PKD2L2: variants seen among roughly 807,000 people sequenced by gnomAD.
PKD2L2 encodes the protein polycystin 2 like 2, transient receptor potential cation channel, also known as polycystin-2-like protein 2.
PKD2L2 carries 67 observed loss-of-function variants against 83.9 expected under a neutral mutation model. The ratio of observed to expected loss-of-function variants is 0.80; its 90% CI spans 0.66 to 0.98. PKD2L2 has a LOEUF of 0.98. Among genes scored for constraint, PKD2L2 ranks in the 50% least tolerant of loss-of-function variants. The probability of loss-of-function intolerance (pLI) is 0.00; values close to 1 mark genes in which losing one functional copy is unlikely to be tolerated. For missense variants in PKD2L2, 632 were observed against 717.2 expected (o/e 0.88, Z 1.36); for synonymous variants, 223 against 237.8 (o/e 0.94, Z 0.57).
Position 137,941,031 on chromosome 5 carries a change from G to A in PKD2L2, c.*18-1353G>A, listed in dbSNP as rs146162274. ...CGCCATTCTCCTGCCTCAGCCTCTA[G>A]AGTAGCTGGAACTACAGGTGCCCGC... On this transcript the variant is annotated intron_variant, in intron 14 of 14. Coordinates refer to ENST00000508883, the MANE Select transcript of PKD2L2 (RefSeq NM_001300921.2). Among the ~76,000 whole-genome samples the A allele has an allele frequency of 7.9e-5, 12 of 152,156 alleles. No homozygotes were observed. The East Asian group carries it at 1.7e-3, about 22-fold the overall frequency.
chr5:137,898,698 C>T (rs1169930095), intron 4 of PKD2L2, among the ~76,000 whole-genome samples: 1 of 152,058 alleles, frequency 6.6e-6, no homozygotes, highest in African/African-American at 2.4e-5. Flanking sequence ...GGACTACAGG[C>T]ATATGCCACC....
chr5:137,940,612 T>G, intron 14 of PKD2L2: 1 of 331,836 alleles, frequency 3.0e-6, no homozygotes, highest in East Asian at 6.0e-5. Flanking sequence ...AAACCCAGTA[T>G]TTTAACAGGA....
intron 4 of PKD2L2, 44 bp downstream of exon 4, chr5:137,894,653 T>C (rs1207862502): frequency 2.7e-6 from 4 of 1,481,982 alleles, no homozygotes; most frequent in Middle Eastern, 2.1e-4. Flanking sequence ...TAGCATTTAC[T>C]GTTGTATCTT....
intron 14 of PKD2L2, among the ~76,000 whole-genome samples, chr5:137,941,216 AT>A (rs1053711249): frequency 6.6e-6 from 1 of 151,442 alleles, no homozygotes; most frequent in Non-Finnish European, 1.5e-5. Context: ...CCCACTTCAG[AT>A]TTTTTTTTAA....
chr5:137,931,719 T>C (rs1031329872), intron 12 of PKD2L2, among the ~76,000 whole-genome samples: 14 of 152,132 alleles, frequency 9.2e-5, no homozygotes, highest in Middle Eastern at 3.2e-3. Context: ...TAGGAAAACA[T>C]TGAACATGTC....
chr5:137,918,323 T>C (rs527802545), intron 8 of PKD2L2, among the ~76,000 whole-genome samples: 1 of 152,326 alleles, frequency 6.6e-6, no homozygotes, highest in South Asian at 2.1e-4. Context: ...TCCTATTCTT[T>C]AATGTCTGGA....
intron 5 of PKD2L2, 54 bp from the exon 6 acceptor site, chr5:137,906,152 C>A: frequency 9.9e-7 from 1 of 1,010,376 alleles, no homozygotes; most frequent in Non-Finnish European, 1.5e-6. Flanking sequence ...ACATTAAGTA[C>A]TGAAATATAA....
intron 12 of PKD2L2, among the ~76,000 whole-genome samples, chr5:137,928,462 G>A (rs1580986194): frequency 6.6e-6 from 1 of 151,866 alleles, no homozygotes; most frequent in Non-Finnish European, 1.5e-5. Flanking sequence ...GACAAGGTTA[G>A]CTCTGTTGCC....
At chr5:137,917,934 A>C (rs1021716035) in intron 8 of PKD2L2, among the ~76,000 whole-genome samples, 2 of 152,168 alleles carry the variant, frequency 1.3e-5, no homozygotes, top group African/African-American at 4.8e-5. Flanking sequence ...GTGGTGGCTC[A>C]CATTTTGGAG....
intron 4 of PKD2L2, 117 bp from the exon 5 acceptor site, chr5:137,899,399 G>T: frequency 1.5e-6 from 1 of 683,430 alleles, no homozygotes. Flanking sequence ...TTACAGGCAT[G>T]AGCCAGCGCA....
At chr5:137,909,530 C>T (rs915884699) in intron 8 of PKD2L2, among the ~76,000 whole-genome samples, 1 of 136,262 alleles carries the variant, frequency 7.3e-6, no homozygotes, top group Non-Finnish European at 1.5e-5. Flanking sequence ...ATTCTCTGGA[C>T]AAAAGAAATT....
chr5:137,937,698 A>G (rs1006873656), intron 14 of PKD2L2, among the ~76,000 whole-genome samples: 8 of 152,240 alleles, frequency 5.3e-5, no homozygotes, highest in African/African-American at 1.9e-4. Flanking sequence ...TGTTCTTAAT[A>G]GGATAATTCA....
chr5:137,921,727 T>G lies in PKD2L2; in HGVS notation c.1420T>G (p.Phe474Val). The change falls in exon 9 of 15, where the codon TTC becomes GTC. Residue 474 changes from phenylalanine to valine, a missense_variant. This residue lies in a region of PKD2L2 where 399 missense variants were observed against 416.9 expected (regional missense o/e 0.96). Transcript: ENST00000508883. ...PILGPIYFIT[F>V]IFFVFFVLLN... is the part of the protein sequence containing the mutation. ...CTTGGGACCCATTTACTTCATCACT[T>G]TCATCTTTTTTGTGTTCTTTGTCCT... 1 of 1,607,806 alleles carries G rather than the reference T, an allele frequency of 6.2e-7. No homozygotes were observed. The highest frequency in any genetic ancestry group is 8.5e-7 in the Non-Finnish European group (1 of 1,175,600).
At chr5:137,936,187 A>G (rs780574988) in intron 13 of PKD2L2, 133 bp from the exon 14 acceptor site, 15 of 737,898 alleles carry the variant, frequency 2.0e-5, no homozygotes, top group Middle Eastern at 3.9e-4. Context: ...TATTAGATCT[A>G]TAACTGGCCA....
At chr5:137,907,658 C>A (rs1398050042) in intron 6 of PKD2L2, 84 bp from the exon 7 acceptor site, 4 of 773,102 alleles carry the variant, frequency 5.2e-6, no homozygotes, top group Non-Finnish European at 7.6e-6. Context: ...TTTTGATGAA[C>A]TTTTTTTGTG....
chr5:137,938,374 T>C (rs1436357698), intron 14 of PKD2L2: 2 of 152,636 alleles, frequency 1.3e-5, no homozygotes, highest in African/African-American at 4.8e-5. Flanking sequence ...GCATGTGGTA[T>C]ATAAAATAAA....
chr5:137,902,227 T>C (rs1177038946), intron 5 of PKD2L2, among the ~76,000 whole-genome samples: 4 of 152,024 alleles, frequency 2.6e-5, no homozygotes, highest in Non-Finnish European at 2.9e-5. Flanking sequence ...CCTTCAATGA[T>C]ATAGACACAG....
At position 137,910,832 on chromosome 5, in the gene PKD2L2, GAATT is replaced by G. The variant is rs375724672; in HGVS notation, c.1328+1890_1328+1893del. Among the ~76,000 whole-genome samples the G allele has an allele frequency of 3.8e-3, 565 of 148,828 alleles. 4 individuals are homozygous for G. Among genetic ancestry groups the G allele is most frequent in the African/African-American group, 0.013 (543 of 40,754 alleles). On this transcript the variant is annotated intron_variant, in intron 8 of 14. Transcript: ENST00000508883. ...GCTGGATGACATAGAAAACAATGAA[GAATT>G]AATAAGAGAGTGAGTAATAACTGGG... is the stretch of plus-strand genomic sequence containing the variant.
At chr5:137,891,899 TG>T (rs1281718024) in intron 2 of PKD2L2, among the ~76,000 whole-genome samples, 1 of 152,150 alleles carries the variant, frequency 6.6e-6, no homozygotes, top group Non-Finnish European at 1.5e-5. Flanking sequence ...TTGGTCAGTC[TG>T]GTCTCGAACT....
Sources: gnomAD v4.1 joint callset for allele counts (sites outside exome capture counted in the v4.1 genomes callset) on GRCh38, gnomAD v4.1.1 for gene constraint, gnomAD v4.1.1 regional missense constraint, MANE v1.5 for transcripts, NCBI Gene and HGNC (gene_info 2026-07-23, HGNC 2026-07-21) for gene names.